TMEM217: variants seen among roughly 807,000 people sequenced by gnomAD.
The protein encoded by TMEM217 is chromosome 6 open reading frame 128.
For synonymous variants in TMEM217, 76 were observed against 88.3 expected, an observed-to-expected ratio of 0.86 and a Z score of 0.78; for missense variants, 204 against 248.8, an observed-to-expected ratio of 0.82 and a Z score of 1.21.
chr6:37,238,869 G>A lies in TMEM217; in HGVS notation c.-12+18699C>T, dbSNP rs893933404. Among the ~76,000 whole-genome samples, 5 of 152,312 alleles carry A rather than the reference G, an allele frequency of 3.3e-5. No homozygotes were observed. In the East Asian group the frequency reaches 7.7e-4, roughly 24 times the overall value. On this transcript the variant is annotated intron_variant, in intron 1 of 1. Coordinates refer to ENST00000357219, the Ensembl canonical transcript of TMEM217. The stretch of plus-strand genomic sequence containing the variant: ...GTCTAGGCTGGGCATGGTGGCTCAC[G>A]CCTGTAATCCCAGCAGTTTAGGAGG...
intron 1 of TMEM217, among the ~76,000 whole-genome samples, chr6:37,232,076 T>C (rs1419285318): frequency 5.3e-5 from 8 of 152,170 alleles, no homozygotes; most frequent in African/African-American, 1.9e-4. Context: ...AGGTATTTTC[T>C]TTTTTGCTTG....
At position 37,252,571 on chromosome 6, in the gene TMEM217, G is replaced by A. The variant is rs551690742; in HGVS notation, c.-12+4997C>T. On this transcript the variant is annotated intron_variant, in intron 1 of 1. Transcript: ENST00000357219. ...GTTGTGAGGGGTGTGAGGGGTGTGT[G>A]TGTGCACGTGTACGTGTATGTGTGT... Among the ~76,000 whole-genome samples, 77 of 145,362 alleles carry A rather than the reference G, an allele frequency of 5.3e-4. 2 individuals are homozygous for A. The South Asian group carries it at 0.017, about 33-fold the overall frequency.
chr6:37,251,962 C>T (rs760530665), intron 1 of TMEM217, among the ~76,000 whole-genome samples: 7 of 152,118 alleles, frequency 4.6e-5, no homozygotes, highest in Non-Finnish European at 8.8e-5. Flanking sequence ...GGCACAATCT[C>T]GGCTCACTGC....
At chr6:37,221,566 A>T (rs1763525256) in intron 1 of TMEM217, among the ~76,000 whole-genome samples, 2 of 152,308 alleles carry the variant, frequency 1.3e-5, no homozygotes, top group African/African-American at 2.4e-5. Context: ...TATGTTATAG[A>T]ATGTGTCAGA....
chr6:37,257,631 C>T (rs1765833661), exon 1 of TMEM217: 2 of 441,564 alleles, frequency 4.5e-6, no homozygotes, highest in African/African-American at 2.1e-5. Flanking sequence ...CAAGCTCCGC[C>T]TTCCCCGTCC....
chr6:37,231,450 G>A (rs1272201869), intron 1 of TMEM217, among the ~76,000 whole-genome samples: 3 of 150,176 alleles, frequency 2.0e-5, no homozygotes, highest in Non-Finnish European at 3.0e-5. Context: ...CGAGGCAGGC[G>A]GATCATGAGG....
At chr6:37,228,406 C>T (rs892044651) in intron 1 of TMEM217, among the ~76,000 whole-genome samples, 1 of 152,144 alleles carries the variant, frequency 6.6e-6, no homozygotes, top group Non-Finnish European at 1.5e-5. Context: ...AACTCCATCT[C>T]AAAAAATAAT....
At chr6:37,242,297 A>G (rs1407552606) in intron 1 of TMEM217, among the ~76,000 whole-genome samples, 1 of 152,250 alleles carries the variant, frequency 6.6e-6, no homozygotes, top group Admixed American at 6.5e-5. Context: ...CACGGTGGGC[A>G]GAACCTGTAC....
At chr6:37,233,489 G>A (rs970163418) in intron 1 of TMEM217, among the ~76,000 whole-genome samples, 8 of 152,202 alleles carry the variant, frequency 5.3e-5, no homozygotes, top group African/African-American at 1.9e-4. Flanking sequence ...GCTCACATGG[G>A]AGAAGGTGGA....
Position 37,245,003 on chromosome 6 carries a change from C to T in TMEM217, c.-12+12565G>A, listed in dbSNP as rs971036487. ...GGCTAGCCTAGACATGTTCTCATGGCAATGGCAGAGAGCAACAGTGACAGC... is the reference window on the plus strand; with the variant it reads ...GGCTAGCCTAGACATGTTCTCATGGTAATGGCAGAGAGCAACAGTGACAGC... On this transcript the variant is annotated intron_variant, in intron 1 of 1. Transcript: ENST00000357219. 1.2e-4 allele frequency among the ~76,000 whole-genome samples: 18 copies of T among 152,264 alleles called. 1 individual carries two copies. The highest frequency in any genetic ancestry group is 1.1e-3 in the Admixed American group (17 of 15,290).
chr6:37,232,849 T>C (rs1486883954), intron 1 of TMEM217, among the ~76,000 whole-genome samples: 1 of 152,224 alleles, frequency 6.6e-6, no homozygotes, highest in Non-Finnish European at 1.5e-5. Context: ...ACCTTGTTTT[T>C]CTCTCACCTG....
downstream of TMEM217, chr6:37,215,107 C>A: frequency 6.5e-7 from 1 of 1,536,640 alleles, no homozygotes; most frequent in Non-Finnish European, 8.8e-7. Context: ...ACCCTCGGCA[C>A]CTCTCTCTTG....
chr6:37,215,087 C>CT (rs1366698022), downstream of TMEM217: 10 of 1,438,846 alleles, frequency 7.0e-6, no homozygotes, highest in African/African-American at 5.7e-5. Context: ...CTGCCCCAGC[C>CT]TTGGTCTCCA....
At chr6:37,242,155 C>T (rs1764799705) in intron 1 of TMEM217, among the ~76,000 whole-genome samples, 1 of 152,092 alleles carries the variant, frequency 6.6e-6, no homozygotes, top group Non-Finnish European at 1.5e-5. Context: ...GATGTCCAGA[C>T]TTCAGTGGTC....
At chr6:37,252,607 G>A (rs1173379004) in intron 1 of TMEM217, among the ~76,000 whole-genome samples, 6 of 35,842 alleles carry the variant, frequency 1.7e-4, no homozygotes, top group Non-Finnish European at 2.9e-4. Flanking sequence ...GTGTGTGTGT[G>A]TATGTGTGTG....
chr6:37,258,003 G>T, exon 1 of TMEM217: 2 of 1,611,520 alleles, frequency 1.2e-6, no homozygotes, highest in Non-Finnish European at 1.7e-6. Context: ...AGGGATAGGG[G>T]ATTGGACCAA....
intron 1 of TMEM217, among the ~76,000 whole-genome samples, chr6:37,251,713 A>T (rs1275162480): frequency 6.6e-6 from 1 of 152,202 alleles, no homozygotes; most frequent in Non-Finnish European, 1.5e-5. Context: ...GGAGAGACGG[A>T]GGGGAATGAG....
chr6:37,249,839 G>A (rs888816805), intron 1 of TMEM217, among the ~76,000 whole-genome samples: 4 of 152,126 alleles, frequency 2.6e-5, no homozygotes, highest in African/African-American at 9.7e-5. Flanking sequence ...AAAACAGTTG[G>A]GCAGTATTTT....
chr6:37,246,708 G>A (rs1269080167), intron 1 of TMEM217, among the ~76,000 whole-genome samples: 3 of 152,126 alleles, frequency 2.0e-5, no homozygotes, highest in Non-Finnish European at 4.4e-5. Flanking sequence ...TTTGAGACTA[G>A]CCTGGGCAAC....
Sources: gnomAD v4.1 joint callset for allele counts (sites outside exome capture counted in the v4.1 genomes callset) on GRCh38, gnomAD v4.1.1 for gene constraint, MANE v1.5 for transcripts, NCBI Gene and HGNC (gene_info 2026-07-23, HGNC 2026-07-21) for gene names.